The following SNX25 variants were observed in gnomAD, a reference collection of about 807,000 sequenced individuals.
SNX25 encodes the protein sorting nexin-25.
SNX25 carries 62 observed loss-of-function variants against 113.7 expected under a neutral mutation model. That is an observed-to-expected ratio of 0.55 (90% CI 0.44 to 0.67). SNX25 has a LOEUF of 0.67. Ranked by LOEUF, SNX25 falls within the 30% of genes least tolerant of loss-of-function variation. SNX25 has a pLI of 0.00. For synonymous variants in SNX25, 421 were observed against 436.2 expected (o/e 0.97, Z 0.43); for missense variants, 1,014 against 1,161.0 (o/e 0.87, Z 1.84).
rs780661810 is a variant in SNX25 at position 185,353,530 on chromosome 4, G to A, written c.2512G>A (p.Val838Met). The A allele has an allele frequency of 5.6e-6, 9 of 1,614,088 alleles. No individual in the cohort carries two copies. The highest frequency in any genetic ancestry group is 7.6e-6 in the Non-Finnish European group (9 of 1,180,046). ...DSDLSDYGDD[V>M]DGRKDALAEP... ...TGACCTGTCAGATTATGGTGATGAT[G>A]TGGATGGGAGGAAAGACGCCTTGGC... Residue 838 changes from valine to methionine, a missense_variant, in exon 15 of 19, where the codon GTG becomes ATG. Coordinates refer to ENST00000652585, the MANE Select transcript of SNX25 (RefSeq NM_001378034.2).
Position 185,267,039 on chromosome 4 carries a change from G to A in SNX25, c.975G>A (p.Ala325=), listed in dbSNP as rs561963388. The change falls in exon 5 of 19, where the codon GCG becomes GCA. Residue 325 remains alanine (A), a synonymous_variant. Coordinates refer to ENST00000652585, the MANE Select transcript of SNX25 (RefSeq NM_001378034.2). ...YINQMLLAQL[A]YREQMNEHHK... is the part of the protein sequence containing the mutation. ...ACCAAATGCTGCTTGCCCAGCTGGC[G>A]TACAGAGAGCAAATGAATGAGCATC... The A allele has an allele frequency of 2.7e-5, 44 of 1,613,960 alleles. No individual in the cohort carries two copies. In the East Asian group the frequency reaches 5.1e-4, roughly 19 times the overall value.
chr4:185,254,602 G>C (rs1038012699), intron 2 of SNX25, among the ~76,000 whole-genome samples: 11 of 152,192 alleles, frequency 7.2e-5, no homozygotes, highest in Non-Finnish European at 1.3e-4. Context: ...ACATCCTGTT[G>C]TCTAGACTAA....
Position 185,247,369 on chromosome 4 carries a change from C to CT in SNX25, c.506dup (p.Lys170GlufsTer9). ...AATTTCTCATAATATGGATAAAGCT[C>CT]TGAAAGAAGGTAAGGATTAAATGAG... On this transcript the variant is annotated frameshift_variant, in exon 2 of 19. Coordinates refer to ENST00000652585, the MANE Select transcript of SNX25 (RefSeq NM_001378034.2). LOFTEE classifies it high-confidence loss of function. 1 of 1,600,072 alleles carries CT rather than the reference C, an allele frequency of 6.2e-7. No individual in the cohort carries two copies. Among genetic ancestry groups the CT allele is most frequent in the Non-Finnish European group, 8.6e-7 (1 of 1,167,902 alleles).
At position 185,294,817 on chromosome 4, in the gene SNX25, ATACTTTT is replaced by A. The variant is rs571511656; in HGVS notation, c.1162+6737_1162+6743del. On this transcript the variant is annotated intron_variant, in intron 6 of 18. Transcript: ENST00000652585. ...TAATTAAGTTATAATTTAAGTACGG[ATACTTTT>A]TTTTTTTAAGAAAAAATAAGAACAA... Among the ~76,000 whole-genome samples, 357 of 152,192 alleles carry A rather than the reference ATACTTTT, an allele frequency of 2.3e-3. 1 individual carries two copies. Among genetic ancestry groups the A allele is most frequent in the Non-Finnish European group, 2.2e-3 (148 of 68,004 alleles).
intron 5 of SNX25, among the ~76,000 whole-genome samples, chr4:185,267,407 C>T (rs905182835): frequency 1.3e-5 from 2 of 152,018 alleles, no homozygotes; most frequent in Non-Finnish European, 2.9e-5. Flanking sequence ...CCCCACCGCC[C>T]CCACCCCCAG....
At chr4:185,376,443 C>CTTTTTTTTTTTTTTT in the SNX25 span, among the ~76,000 whole-genome samples, 3 of 105,794 alleles carry the variant, frequency 2.8e-5, no homozygotes, top group African/African-American at 3.9e-5. Flanking sequence ...TGCCCAGCTA[C>CTTTTTTTTTTTTTTT]TTTTTTTTTT....
intron 13 of SNX25, 137 bp from the exon 14 acceptor site, chr4:185,351,308 A>G: frequency 2.4e-6 from 2 of 817,634 alleles, no homozygotes; most frequent in Non-Finnish European, 3.9e-6. Flanking sequence ...TTTCAGGGGG[A>G]AAGGGAAGTG....
At chr4:185,325,377 CA>C (rs2126693841) in intron 9 of SNX25, among the ~76,000 whole-genome samples, 1 of 151,898 alleles carries the variant, frequency 6.6e-6, no homozygotes, top group African/African-American at 2.4e-5. Context: ...ACTAAAAATA[CA>C]AAAAATTAGC....
chr4:185,376,627 GC>G, the SNX25 span, among the ~76,000 whole-genome samples: 1 of 151,658 alleles, frequency 6.6e-6, no homozygotes, highest in Admixed American at 6.6e-5. Context: ...AATATTTTGA[GC>G]AAAAATATAA....
chr4:185,361,609 G>A (rs530907114), intron 16 of SNX25, among the ~76,000 whole-genome samples: 8 of 152,078 alleles, frequency 5.3e-5, no homozygotes, highest in Admixed American at 3.9e-4. Context: ...ATGGTGGCAC[G>A]TGCCTGTAGT....
At chr4:185,309,320 G>C (rs928516101) in intron 6 of SNX25, among the ~76,000 whole-genome samples, 1 of 152,174 alleles carries the variant, frequency 6.6e-6, no homozygotes, top group Non-Finnish European at 1.5e-5. Context: ...GGAAGTCATA[G>C]CATCACTTTC....
chr4:185,270,986 T>A (rs895030260), intron 5 of SNX25, among the ~76,000 whole-genome samples: 3 of 152,220 alleles, frequency 2.0e-5, no homozygotes, highest in Non-Finnish European at 4.4e-5. Context: ...GTTGAGCATC[T>A]TCAGTGACGT....
chr4:185,215,228 C>CAA (rs796144498), intron 1 of SNX25, among the ~76,000 whole-genome samples: 3 of 142,138 alleles, frequency 2.1e-5, no homozygotes, highest in African/African-American at 7.7e-5. Context: ...GACTCCGTCT[C>CAA]AAAAAAAAAA....
rs867092976 is a variant in SNX25 at position 185,339,448 on chromosome 4, G to A, written c.1984G>A (p.Ala662Thr). Reference sequence around the variant, plus strand: ...ACGCACAGACCTTCAGCTGCACATGGCAAGAACGGATTGGTGGTGTGAAAA... The same window carrying A: ...ACGCACAGACCTTCAGCTGCACATGACAAGAACGGATTGGTGGTGTGAAAA... ...KERTDLQLHM[A>T]RTDWWCENLG... Residue 662 changes from alanine (A) to threonine (T), a missense_variant, in exon 11 of 19, where the codon GCA (alanine) becomes ACA (threonine). Transcript: ENST00000652585. The A allele has an allele frequency of 6.2e-7, 1 of 1,613,948 alleles. No homozygotes were observed. The highest frequency in any genetic ancestry group is 8.5e-7 in the Non-Finnish European group (1 of 1,179,956).
chr4:185,351,687 C>A, intron 14 of SNX25, 78 bp downstream of exon 14: 1 of 1,441,646 alleles, frequency 6.9e-7, no homozygotes, highest in Non-Finnish European at 9.4e-7. Flanking sequence ...TGGGGGGAAG[C>A]AAATCCCTCT....
At chr4:185,271,458 A>T (rs1242146955) in intron 5 of SNX25, among the ~76,000 whole-genome samples, 7 of 152,192 alleles carry the variant, frequency 4.6e-5, no homozygotes, top group Non-Finnish European at 1.0e-4. Context: ...CATGTTGGCC[A>T]GGCTGGTCTT....
chr4:185,375,924 C>T, the SNX25 span, among the ~76,000 whole-genome samples: 5 of 151,992 alleles, frequency 3.3e-5, no homozygotes, highest in Admixed American at 2.0e-4. Flanking sequence ...AACAGGCGCA[C>T]GATGAGCCCT....
chr4:185,218,752 C>T (rs1534142), intron 1 of SNX25, among the ~76,000 whole-genome samples: 99,175 of 152,104 alleles, frequency 0.65, 32,410 homozygotes, highest in East Asian at 0.73. Context: ...CAATAGACTT[C>T]CTATTTTAGT....
the SNX25 span, chr4:185,378,250 C>T: frequency 6.2e-7 from 1 of 1,600,524 alleles, no homozygotes; most frequent in South Asian, 1.1e-5. Context: ...ATTTCTTCCT[C>T]CAGCGAAGTG....
Sources: gnomAD v4.1 joint callset for allele counts (sites outside exome capture counted in the v4.1 genomes callset) on GRCh38, gnomAD v4.1.1 for gene constraint, MANE v1.5 for transcripts, NCBI Gene and HGNC (gene_info 2026-07-23, HGNC 2026-07-21) for gene names.